The following SCN1A variants were observed in gnomAD, a reference collection of about 807,000 sequenced individuals.
The protein encoded by SCN1A is sodium channel protein type 1 subunit alpha.
A neutral mutation model predicts 193.7 loss-of-function variants in SCN1A; 13 were observed. That is an observed-to-expected ratio of 0.07 (90% confidence interval 0.04 to 0.11). SCN1A has a LOEUF of 0.11. Among genes scored for constraint, SCN1A ranks in the 10% least tolerant of loss-of-function variants. The pLI is 1.00. For synonymous variants in SCN1A, 781 were observed against 843.6 expected, an observed-to-expected ratio of 0.93 and a Z score of 1.29; for missense variants, 1,432 against 2,451.1, an observed-to-expected ratio of 0.58 and a Z score of 8.78.
intron 4 of SCN1A, among the ~76,000 whole-genome samples, chr2:166,072,559 C>T (rs1684536896): frequency 6.6e-6 from 1 of 152,016 alleles, no homozygotes; most frequent in African/African-American, 2.4e-5. Context: ...AACAAAATTT[C>T]TTCAGGAAAT....
chr2:166,025,785 T>A lies in SCN1A; in HGVS notation c.3430-10058A>T, dbSNP rs570630060. 2.0e-5 allele frequency among the ~76,000 whole-genome samples: 3 copies of A among 152,314 alleles called. No homozygotes were observed. The South Asian group carries it at 6.2e-4, about 32-fold the overall frequency. On this transcript the variant is annotated intron_variant, in intron 19 of 28. Transcript: ENST00000674923. ...ATATCTTCTTCCTTTTTTGTTCCTT[T>A]TCTAATTTCTCAAAGATATTTGTTA...
At chr2:166,128,599 T>C (rs1691490394), upstream of SCN1A, among the ~76,000 whole-genome samples, 3 of 152,184 alleles carry the variant, frequency 2.0e-5, no homozygotes, top group South Asian at 6.2e-4. Flanking sequence ...CACTGAAGTC[T>C]TCTATGGACA....
chr2:166,102,369 G>A lies in SCN1A; in HGVS notation c.-142+24555C>T, dbSNP rs191230026. Among the ~76,000 whole-genome samples, 963 of 152,010 alleles carry A rather than the reference G, an allele frequency of 6.3e-3. 10 individuals are homozygous for A. Among genetic ancestry groups the A allele is most frequent in the African/African-American group, 0.022 (923 of 41,468 alleles). On this transcript the variant is annotated intron_variant, in intron 2 of 28. Transcript: ENST00000674923. Reference sequence around the variant, plus strand: ...AAATTAGCCGGGTGTGGTGGTGGGCGCCTGTAGTCCCAGCTACTCAGGAGG... The same window carrying A: ...AAATTAGCCGGGTGTGGTGGTGGGCACCTGTAGTCCCAGCTACTCAGGAGG...
At chr2:166,075,206 A>G (rs1684870849) in intron 3 of SCN1A, 1 of 152,128 alleles carries the variant, frequency 6.6e-6, no homozygotes, top group South Asian at 2.1e-4. Context: ...GCTTTTTGAT[A>G]GAAAATATAT....
chr2:166,131,413 G>A (rs1012811215), upstream of SCN1A, among the ~76,000 whole-genome samples: 2 of 150,926 alleles, frequency 1.3e-5, no homozygotes, highest in African/African-American at 5.0e-5. Context: ...TCTGTCCTGT[G>A]AATGTGGTTG....
At chr2:166,020,685 A>G (rs1693940565) in intron 19 of SCN1A, among the ~76,000 whole-genome samples, 1 of 152,230 alleles carries the variant, frequency 6.6e-6, no homozygotes, top group Non-Finnish European at 1.5e-5. Context: ...AATCCCCCAC[A>G]TAGATACATG....
intron 11 of SCN1A, among the ~76,000 whole-genome samples, chr2:166,047,411 G>A (rs1255729897): frequency 2.0e-5 from 3 of 152,068 alleles, no homozygotes; most frequent in Non-Finnish European, 4.4e-5. Flanking sequence ...GAGAAGGGTA[G>A]GGAACAGGTT....
chr2:166,043,675 A>T lies in SCN1A; in HGVS notation c.2037T>A (p.Asp679Glu). 1 of 1,613,920 alleles carries T rather than the reference A, an allele frequency of 6.2e-7. No homozygotes were observed. Among genetic ancestry groups the T allele is most frequent in the Non-Finnish European group, 8.5e-7 (1 of 1,179,854 alleles). ...PEVIIDKPAT[D>E]DNGTTTETEM... ...CTATTTAAAACTTCCTTACATTGTC[A>T]TCAGTAGCTGGCTTATCTATTATCA... Residue 679 changes from aspartate (D) to glutamate (E), a missense_variant, in exon 14 of 29, where the codon GAT becomes GAA. This residue lies in a region of SCN1A where 316 missense variants were observed against 362.1 expected (regional missense o/e 0.87). Transcript: ENST00000674923.
chr2:165,994,496 G>C, intron 27 of SCN1A, 80 bp from the exon 28 acceptor site: 1 of 1,360,148 alleles, frequency 7.4e-7, no homozygotes. Context: ...TGCATTAATT[G>C]ACTTTCTAGT....
rs794726811 is a variant in SCN1A at position 166,037,942 on chromosome 2, C to A, written c.2780G>T (p.Cys927Phe). ...ATTCATGTGCCAGCGTGGGAGTTGA[C>A]AATCACTGGCGATCTTGCAGACACA... is the stretch of plus-strand genomic sequence containing the variant. The part of the protein sequence containing the change: ...KDCVCKIASD[C>F]QLPRWHMNDF... Residue 927 changes from cysteine to phenylalanine, a missense_variant, in exon 18 of 29, where the codon TGT becomes TTT. Physicochemically the swap from Cys to Phe is radical, Grantham distance 205 (BLOSUM62 -2). This residue lies in a region of SCN1A where 93 missense variants were observed against 260.4 expected (regional missense o/e 0.36). Coordinates refer to ENST00000674923, the MANE Select transcript of SCN1A (RefSeq NM_001165963.4). 1 of 1,614,168 alleles carries A rather than the reference C, an allele frequency of 6.2e-7. No individual in the cohort carries two copies. The highest frequency in any genetic ancestry group is 8.5e-7 in the Non-Finnish European group (1 of 1,180,028).
At chr2:166,021,927 A>C (rs1694125429) in intron 19 of SCN1A, among the ~76,000 whole-genome samples, 1 of 152,178 alleles carries the variant, frequency 6.6e-6, no homozygotes. Flanking sequence ...TACATGAAAA[A>C]ATTTGATTAA....
In SCN1A at chr2:166,095,890, A is replaced by G. The variant is rs1049386090; in HGVS notation, c.-141-18089T>C. Among the ~76,000 whole-genome samples, 16 of 152,218 alleles carry G rather than the reference A, an allele frequency of 1.1e-4. 1 individual carries two copies. Among genetic ancestry groups the G allele is most frequent in the Admixed American group, 5.2e-4 (8 of 15,274 alleles). On this transcript the variant is annotated intron_variant, in intron 2 of 28. Transcript: ENST00000674923. ...AGATTAATTTAGATAAATGGTAATT[A>G]ATATATTTTTCCAGGATGTCATAAA...
rs1048637193 is a variant in SCN1A, at chr2:166,111,451, AG to A, written c.-142+15472del. Among the ~76,000 whole-genome samples the A allele has an allele frequency of 3.9e-5, 6 of 152,182 alleles. No homozygotes were observed. In the South Asian group the frequency reaches 1.2e-3, roughly 32 times the overall value. The stretch of plus-strand genomic sequence containing the variant: ...GACCTACTGCTCAGAAAAAAAAAAA[AG>A]ATTCCATTCAAAATATTACCGCTGA... On this transcript the variant is annotated intron_variant, in intron 2 of 28. Transcript: ENST00000674923.
At position 166,007,458 on chromosome 2, in the gene SCN1A, T is replaced by G. The variant is rs539758485; in HGVS notation, c.4002+2261A>C. Among the ~76,000 whole-genome samples the G allele has an allele frequency of 2.0e-3, 302 of 151,414 alleles. 2 individuals carry two copies. Among genetic ancestry groups the G allele is most frequent in the African/African-American group, 7.1e-3 (293 of 41,456 alleles). ...TTTAAGATTTCCTAGGTTAGGAAAT[T>G]AAAAATACAAATTTAAACACAAATT... On this transcript the variant is annotated intron_variant, in intron 23 of 28. Transcript: ENST00000674923.
chr2:166,043,988 A>T lies in SCN1A; in HGVS notation c.1724T>A (p.Phe575Tyr). 1 of 1,614,204 alleles carries T rather than the reference A, an allele frequency of 6.2e-7. No homozygotes were observed. Among genetic ancestry groups the T allele is most frequent in the South Asian group, 1.1e-5 (1 of 91,090 alleles). Residue 575 changes from phenylalanine (F) to tyrosine (Y), a missense_variant, in exon 14 of 29, where the codon TTC becomes TAC. This residue lies in a region of SCN1A where 316 missense variants were observed against 362.1 expected (regional missense o/e 0.87). Coordinates refer to ENST00000674923, the MANE Select transcript of SCN1A (RefSeq NM_001165963.4). ...ATCCTTTGCTCGCCCTCTAAAGCTG[A>T]AAAGGCTTGTTCTGCTATTTCGCCT... is the stretch of plus-strand genomic sequence containing the variant. Reference protein sequence around the residue: ...SPRRNSRTSLFSFRGRAKDVG... With the variant: ...SPRRNSRTSLYSFRGRAKDVG...
At chr2:166,054,843 A>T (rs895571155) in intron 6 of SCN1A, 77 bp from the exon 7 acceptor site, 2 of 1,318,858 alleles carry the variant, frequency 1.5e-6, no homozygotes, top group African/African-American at 2.9e-5. Flanking sequence ...TCACTCCATC[A>T]GTGGAATAGA....
In SCN1A at chr2:165,988,822, AG is replaced by A. The variant is rs1414491977; in HGVS notation, c.*2422del. The A allele has an allele frequency of 6.6e-6, 1 of 152,156 alleles. No homozygotes were observed. Among genetic ancestry groups the A allele is most frequent in the Non-Finnish European group, 1.5e-5 (1 of 68,046 alleles). 9.4% of individuals were successfully genotyped at this position (152,156 alleles called of 1,614,324 possible). On this transcript the variant is annotated 3_prime_UTR_variant, in exon 29 of 29. Coordinates refer to ENST00000674923, the MANE Select transcript of SCN1A (RefSeq NM_001165963.4). ...TTCTAAATTTTTAAATGATGATTTA[AG>A]GGTTTCTTTTCATAGCTCAAGGGGT...
At chr2:166,025,059 T>C (rs1694571372) in intron 19 of SCN1A, among the ~76,000 whole-genome samples, 1 of 152,236 alleles carries the variant, frequency 6.6e-6, no homozygotes, top group Non-Finnish European at 1.5e-5. Context: ...ATTTGCCAAA[T>C]GTATTTGTTT....
chr2:166,013,666 A>C, intron 21 of SCN1A, 78 bp downstream of exon 21: 1 of 1,331,930 alleles, frequency 7.5e-7, no homozygotes, highest in Non-Finnish European at 1.1e-6. Flanking sequence ...AAGACAATGA[A>C]ACAAAGGATT....
Sources: allele counts gnomAD v4.1 joint callset (sites outside exome capture counted in the v4.1 genomes callset), GRCh38; gene constraint gnomAD v4.1.1; regional missense constraint gnomAD v4.1.1; transcripts MANE v1.5; gene names NCBI Gene and HGNC (gene_info 2026-07-23, HGNC 2026-07-21).